Variants in TBC1D32 observed in about 807,000 individuals in gnomAD.
TBC1D32 encodes protein broad-minded.
Under a neutral mutation model 170.3 loss-of-function variants are expected in TBC1D32, and 151 were observed. The observed-to-expected ratio is 0.89, with a 90% CI of 0.78 to 1.01. TBC1D32 has a LOEUF of 1.01. TBC1D32 is among the 50% of genes least tolerant of loss of function. TBC1D32 has a pLI of 0.00. For missense variants in TBC1D32, 1,464 were observed against 1,457.1 expected (o/e 1.00, Z -0.08); for synonymous variants, 498 against 488.0 (o/e 1.02, Z -0.27).
rs1339455622 is a variant in TBC1D32, at chr6:121,200,642, TG to T, written c.2570+4432del. Among the ~76,000 whole-genome samples, 11 of 151,666 alleles carry T rather than the reference TG, an allele frequency of 7.3e-5. No individual in the cohort carries two copies. The East Asian group carries it at 1.9e-3, about 27-fold the overall frequency. The stretch of plus-strand genomic sequence containing the variant: ...AGAAAATAATACTCCCTTAGGAAAC[TG>T]AAGTTTTATTCAGAAGAAGAAATAA... On this transcript the variant is annotated intron_variant, in intron 22 of 31. Coordinates refer to ENST00000398212, the MANE Select transcript of TBC1D32 (RefSeq NM_152730.6).
intron 5 of TBC1D32, among the ~76,000 whole-genome samples, chr6:121,305,715 C>T (rs953486025): frequency 6.6e-6 from 1 of 152,002 alleles, no homozygotes; most frequent in African/African-American, 2.4e-5. Flanking sequence ...ATCTGTCATA[C>T]TTTTCAACCC....
chr6:121,305,884 C>T (rs949681441), intron 5 of TBC1D32, among the ~76,000 whole-genome samples: 3 of 152,002 alleles, frequency 2.0e-5, no homozygotes, highest in African/African-American at 7.2e-5. Context: ...TACCATCTCT[C>T]CTCTATAATA....
chr6:121,149,344 C>CT (rs1783904477), intron 24 of TBC1D32, among the ~76,000 whole-genome samples: 2 of 152,212 alleles, frequency 1.3e-5, no homozygotes, highest in Non-Finnish European at 2.9e-5. Flanking sequence ...TGTCTATGTC[C>CT]TGAATGGTAT....
intron 2 of TBC1D32, among the ~76,000 whole-genome samples, chr6:121,318,591 C>G (rs2128497918): frequency 6.6e-6 from 1 of 151,904 alleles, no homozygotes; most frequent in Non-Finnish European, 1.5e-5. Flanking sequence ...GAATGGGGAT[C>G]CTGACTATTT....
chr6:121,132,492 A>T (rs1156591811), intron 24 of TBC1D32, among the ~76,000 whole-genome samples: 1 of 151,966 alleles, frequency 6.6e-6, no homozygotes, highest in African/African-American at 2.4e-5. Context: ...ACATTTTCAC[A>T]GTTTATTATT....
chr6:121,119,640 A>G (rs1301938862), intron 26 of TBC1D32, among the ~76,000 whole-genome samples: 1 of 152,162 alleles, frequency 6.6e-6, no homozygotes, highest in Non-Finnish European at 1.5e-5. Flanking sequence ...AGGGAATTGA[A>G]CCAACAAAAA....
chr6:121,154,168 G>C (rs1784567585), intron 24 of TBC1D32, among the ~76,000 whole-genome samples: 1 of 152,158 alleles, frequency 6.6e-6, no homozygotes, highest in Non-Finnish European at 1.5e-5. Context: ...GAAGATGGTG[G>C]GAAAAGCGTA....
intron 29 of TBC1D32, among the ~76,000 whole-genome samples, chr6:121,110,305 A>G (rs961187531): frequency 6.6e-6 from 1 of 150,846 alleles, no homozygotes; most frequent in Admixed American, 6.6e-5. Context: ...TACACACTCA[A>G]CATACATTTA....
chr6:121,105,944 C>T, intron 30 of TBC1D32, 79 bp downstream of exon 30: 1 of 1,354,696 alleles, frequency 7.4e-7, no homozygotes, highest in South Asian at 2.0e-5. Flanking sequence ...AAGGTATTTC[C>T]TTATTTGATG....
At chr6:121,213,479 T>C (rs1205925007) in intron 21 of TBC1D32, among the ~76,000 whole-genome samples, 7 of 3,322 alleles carry the variant, frequency 2.1e-3, no homozygotes, top group Non-Finnish European at 0.011. Context: ...TAAAATAAAA[T>C]AAAATAAAAT....
chr6:121,332,327 A>C (rs1811325652), intron 1 of TBC1D32, among the ~76,000 whole-genome samples: 1 of 152,132 alleles, frequency 6.6e-6, no homozygotes, highest in South Asian at 2.1e-4. Flanking sequence ...GAAATTGATA[A>C]AACAAAAAAT....
intron 24 of TBC1D32, among the ~76,000 whole-genome samples, chr6:121,137,468 T>C (rs1042762131): frequency 7.6e-6 from 1 of 132,366 alleles, no homozygotes; most frequent in African/African-American, 2.8e-5. Context: ...CTATGAAAAA[T>C]TGGAAGAAGG....
chr6:121,119,540 G>T (rs1025392724), intron 26 of TBC1D32, among the ~76,000 whole-genome samples: 1 of 151,586 alleles, frequency 6.6e-6, no homozygotes, highest in Admixed American at 6.6e-5. Context: ...GAAGAGAAAA[G>T]AAATAAAAAT....
In TBC1D32 at chr6:121,168,620, C is replaced by T. The variant is rs370830534; in HGVS notation, c.2571-7564G>A. Among the ~76,000 whole-genome samples the T allele has an allele frequency of 4.9e-5, 6 of 122,210 alleles. No individual in the cohort carries two copies. In the East Asian group the frequency reaches 1.3e-3, roughly 27 times the overall value. 80.2% of individuals were successfully genotyped at this position (122,210 alleles called of 152,430 possible). On this transcript the variant is annotated intron_variant, in intron 22 of 31. Coordinates refer to ENST00000398212, the MANE Select transcript of TBC1D32 (RefSeq NM_152730.6). ...GAGATATACCTAATGCTAGATGACA[C>T]GTTAGTGGGTGCAGCGCACCAGCAT...
chr6:121,267,198 G>A (rs1318855828), intron 15 of TBC1D32, among the ~76,000 whole-genome samples: 1 of 151,290 alleles, frequency 6.6e-6, no homozygotes, highest in Non-Finnish European at 1.5e-5. Context: ...ACAACTCCCA[G>A]CGTGAGCGAC....
At position 121,279,186 on chromosome 6, in the gene TBC1D32, A is replaced by C; in HGVS notation, c.1668T>G (p.Ile556Met). ...LIHIAGILARIASVEEGLILL... is the reference protein window; with the variant it reads ...LIHIAGILARMASVEEGLILL... Reference sequence around the variant, plus strand: ...AAATAAGCCCTTCTTCTACAGATGCAATTCTTGCCAAAATACCAGCTATAT... The same window carrying C: ...AAATAAGCCCTTCTTCTACAGATGCCATTCTTGCCAAAATACCAGCTATAT... Residue 556 changes from isoleucine (I) to methionine (M), a missense_variant, in exon 15 of 32, where the codon ATT (isoleucine) becomes ATG (methionine). Coordinates refer to ENST00000398212, the MANE Select transcript of TBC1D32 (RefSeq NM_152730.6). The C allele has an allele frequency of 6.2e-7, 1 of 1,612,100 alleles. No homozygotes were observed. Among genetic ancestry groups the C allele is most frequent in the Non-Finnish European group, 8.5e-7 (1 of 1,179,046 alleles).
At chr6:121,208,032 A>C (rs1011807948) in intron 21 of TBC1D32, among the ~76,000 whole-genome samples, 1 of 151,914 alleles carries the variant, frequency 6.6e-6, no homozygotes, top group Non-Finnish European at 1.5e-5. Context: ...ATTTTTCAAC[A>C]TGGAAAAGTA....
chr6:121,180,417 C>G (rs1788354494), intron 22 of TBC1D32, among the ~76,000 whole-genome samples: 1 of 151,840 alleles, frequency 6.6e-6, no homozygotes, highest in Admixed American at 6.6e-5. Context: ...ACCAACGGAA[C>G]AGAATGAAGA....
chr6:121,140,766 C>G (rs1002119764), intron 24 of TBC1D32, among the ~76,000 whole-genome samples: 14 of 151,844 alleles, frequency 9.2e-5, no homozygotes, highest in Non-Finnish European at 5.9e-5. Context: ...ATGTAAAGTA[C>G]CACTTGCTAA....
Sources: allele counts gnomAD v4.1 joint callset (sites outside exome capture counted in the v4.1 genomes callset), GRCh38; gene constraint gnomAD v4.1.1; transcripts MANE v1.5; gene names NCBI Gene and HGNC (gene_info 2026-07-23, HGNC 2026-07-21).